The following CNOT6L variants were observed in gnomAD, a reference collection of about 807,000 sequenced individuals.
CNOT6L encodes CCR4-NOT transcription complex subunit 6 like.
A neutral mutation model predicts 64.0 loss-of-function variants in CNOT6L; 7 were observed. The observed-to-expected ratio is 0.11, with a 90% CI of 0.06 to 0.21. CNOT6L has a LOEUF of 0.21. Ranked by LOEUF, CNOT6L falls within the 10% of genes least tolerant of loss-of-function variation. The pLI is 1.00. For missense variants in CNOT6L, 245 were observed against 669.0 expected (o/e 0.37, Z 6.99); for synonymous variants, 193 against 243.4 (o/e 0.79, Z 1.93).
At chr4:77,739,204 T>C (rs931844723) in intron 8 of CNOT6L, among the ~76,000 whole-genome samples, 5 of 152,236 alleles carry the variant, frequency 3.3e-5, no homozygotes, top group Admixed American at 2.0e-4. Flanking sequence ...TTTCCATTTA[T>C]TGTTGCGTAT....
chr4:77,738,830 T>G, intron 8 of CNOT6L, among the ~76,000 whole-genome samples: 1 of 151,774 alleles, frequency 6.6e-6, no homozygotes, highest in East Asian at 1.9e-4. Context: ...CATATGCATA[T>G]GTATGAATGT....
At chr4:77,806,776 G>T (rs1403848157) in intron 1 of CNOT6L, among the ~76,000 whole-genome samples, 1 of 152,024 alleles carries the variant, frequency 6.6e-6, no homozygotes, top group Non-Finnish European at 1.5e-5. Flanking sequence ...TTAACCTCAT[G>T]TTCCCACTCG....
chr4:77,769,055 A>G (rs1284837851), intron 4 of CNOT6L, among the ~76,000 whole-genome samples: 2 of 152,210 alleles, frequency 1.3e-5, no homozygotes, highest in Admixed American at 6.5e-5. Flanking sequence ...GAATTATAGC[A>G]TATTCACATA....
At chr4:77,744,353 T>TTA (rs1553925672) in intron 7 of CNOT6L, among the ~76,000 whole-genome samples, 111 of 150,012 alleles carry the variant, frequency 7.4e-4, no homozygotes, top group African/African-American at 2.6e-3. Context: ...CTTTTTTTTT[T>TTA]AAAAAAAAAC....
At chr4:77,811,924 G>A (rs1048057416) in intron 1 of CNOT6L, among the ~76,000 whole-genome samples, 2 of 150,670 alleles carry the variant, frequency 1.3e-5, no homozygotes, top group Non-Finnish European at 3.0e-5. Context: ...AATGGCAGAA[G>A]ATGGAATGTT....
intron 8 of CNOT6L, among the ~76,000 whole-genome samples, chr4:77,735,727 T>C (rs1410190376): frequency 1.3e-5 from 2 of 152,202 alleles, no homozygotes; most frequent in Non-Finnish European, 2.9e-5. Context: ...TTTTTGTTGA[T>C]CGTCAATTAC....
Position 77,717,494 on chromosome 4 carries a change from T to A in CNOT6L, c.*2937A>T, listed in dbSNP as rs1371397332. The A allele has an allele frequency of 6.6e-6, 1 of 152,482 alleles. No individual in the cohort carries two copies. The highest frequency in any genetic ancestry group is 2.4e-5 in the African/African-American group (1 of 41,446). 9.4% of individuals were successfully genotyped at this position (152,482 alleles called of 1,614,324 possible). On this transcript the variant is annotated 3_prime_UTR_variant, in exon 12 of 12. Coordinates refer to ENST00000504123, the MANE Select transcript of CNOT6L (RefSeq NM_144571.3). ...ATTCTAAAAATGCCCAGATTTTCTT[T>A]TATCTTCTGATTAAAATATGCAGCA...
intron 1 of CNOT6L, among the ~76,000 whole-genome samples, chr4:77,777,596 C>T (rs995900165): frequency 6.6e-6 from 1 of 152,136 alleles, no homozygotes; most frequent in African/African-American, 2.4e-5. Flanking sequence ...GACACAATGT[C>T]CTGAGCCTAA....
At chr4:77,774,880 C>T (rs1437092581) in intron 2 of CNOT6L, among the ~76,000 whole-genome samples, 164 bp from the exon 3 acceptor site, 1 of 152,190 alleles carries the variant, frequency 6.6e-6, no homozygotes, top group East Asian at 1.9e-4. Flanking sequence ...TCCAAACACA[C>T]CTGGCCCTCC....
intron 1 of CNOT6L, among the ~76,000 whole-genome samples, chr4:77,780,691 C>T (rs1728760832): frequency 6.6e-6 from 1 of 152,178 alleles, no homozygotes; most frequent in African/African-American, 2.4e-5. Flanking sequence ...TTTTAATCTC[C>T]ATCACCAAAG....
intron 8 of CNOT6L, 78 bp downstream of exon 8, chr4:77,742,063 C>T: frequency 7.3e-7 from 1 of 1,361,462 alleles, no homozygotes; most frequent in South Asian, 1.5e-5. Context: ...TTTTATAGGG[C>T]AAAACCAAAG....
At chr4:77,818,389 G>A (rs1021691579) in intron 1 of CNOT6L, among the ~76,000 whole-genome samples, 5 of 151,954 alleles carry the variant, frequency 3.3e-5, no homozygotes, top group African/African-American at 1.2e-4. Flanking sequence ...AATCCCACAG[G>A]CCAGGAAAGC....
upstream of CNOT6L, among the ~76,000 whole-genome samples, chr4:77,819,779 C>G (rs958838866): frequency 2.0e-5 from 3 of 150,134 alleles, no homozygotes; most frequent in African/African-American, 7.3e-5. Flanking sequence ...GCGGGCCGGG[C>G]CGGGCCGCCT....
At chr4:77,783,712 G>T (rs1238032305) in intron 1 of CNOT6L, among the ~76,000 whole-genome samples, 2 of 151,982 alleles carry the variant, frequency 1.3e-5, no homozygotes, top group Non-Finnish European at 2.9e-5. Flanking sequence ...ACACATACTA[G>T]TACATTTAAC....
chr4:77,819,373 ACACGCG>A, upstream of CNOT6L: 1 of 1,581,576 alleles, frequency 6.3e-7, no homozygotes, highest in Non-Finnish European at 8.6e-7. Flanking sequence ...ACACACACAA[ACACGCG>A]CGCGCGCGCG....
At chr4:77,809,438 A>G (rs1049450504) in intron 1 of CNOT6L, among the ~76,000 whole-genome samples, 2 of 152,206 alleles carry the variant, frequency 1.3e-5, no homozygotes, top group African/African-American at 4.8e-5. Context: ...TTAACAGGTT[A>G]TATTTTGGTG....
At chr4:77,815,217 G>C (rs1733427343) in intron 1 of CNOT6L, among the ~76,000 whole-genome samples, 1 of 152,110 alleles carries the variant, frequency 6.6e-6, no homozygotes, top group South Asian at 2.1e-4. Context: ...TTGTCCTACT[G>C]ATCTGAACTG....
chr4:77,713,878 T>A lies in CNOT6L; in HGVS notation c.*6553A>T, dbSNP rs1720446952. 1 of 152,538 alleles carries A rather than the reference T, an allele frequency of 6.6e-6. No homozygotes were observed. Among genetic ancestry groups the A allele is most frequent in the Non-Finnish European group, 1.5e-5 (1 of 68,018 alleles). The allele number at this position is 152,538 out of a possible 1,614,324, so 9.4% of individuals were successfully genotyped here. ...ATGGTTAAAACACCTACAGAACCAG[T>A]CTATTAAACATTAAACACTAGCAAG... On this transcript the variant is annotated 3_prime_UTR_variant, in exon 12 of 12. Coordinates refer to ENST00000504123, the MANE Select transcript of CNOT6L (RefSeq NM_144571.3).
rs925818113 is a variant in CNOT6L at position 77,796,282 on chromosome 4, T to C, written c.6-19890A>G. ...AAATAAAATTGGAGGATTTACACTA[T>C]TGATATGGTCTGGCTCTGGGTCCCC... On this transcript the variant is annotated intron_variant, in intron 1 of 11. Transcript: ENST00000504123. Among the ~76,000 whole-genome samples, 3 of 152,202 alleles carry C rather than the reference T, an allele frequency of 2.0e-5. No homozygotes were observed. The East Asian group carries it at 5.8e-4, about 29-fold the overall frequency.
Sources: allele counts gnomAD v4.1 joint callset (sites outside exome capture counted in the v4.1 genomes callset), GRCh38; gene constraint gnomAD v4.1.1; transcripts MANE v1.5; gene names NCBI Gene and HGNC (gene_info 2026-07-23, HGNC 2026-07-21).